The following SLIT2 variants were observed in gnomAD, a reference collection of about 807,000 sequenced individuals.
SLIT2 encodes the protein slit homolog 2 protein.
In SLIT2, 41 loss-of-function variants were observed where a neutral mutation model predicts 185.7. The observed-to-expected ratio is 0.22, with a 90% CI of 0.17 to 0.29. The LOEUF is 0.29. SLIT2 is among the 10% of genes least tolerant of loss of function. The pLI is 1.00. For missense variants in SLIT2, 1,571 were observed against 1,909.0 expected (o/e 0.82, Z 3.30); for synonymous variants, 693 against 680.2 (o/e 1.02, Z -0.29).
chr4:20,372,062 CTT>C (rs1324115786), intron 4 of SLIT2, among the ~76,000 whole-genome samples: 2 of 152,104 alleles, frequency 1.3e-5, no homozygotes, highest in Non-Finnish European at 2.9e-5. Flanking sequence ...AGAGGGTTCT[CTT>C]GTCTTTCTTA....
intron 4 of SLIT2, among the ~76,000 whole-genome samples, chr4:20,338,068 T>C (rs1218918042): frequency 6.6e-6 from 1 of 152,198 alleles, no homozygotes; most frequent in Admixed American, 6.5e-5. Flanking sequence ...AATTATTAGG[T>C]AATTTTTCAA....
In SLIT2 at chr4:20,299,548, A is replaced by T. The variant is rs375577933; in HGVS notation, c.395+30667A>T. 3.2e-4 allele frequency among the ~76,000 whole-genome samples: 49 copies of T among 151,918 alleles called. No individual in the cohort carries two copies. The East Asian group carries it at 8.9e-3, about 28-fold the overall frequency. On this transcript the variant is annotated intron_variant, in intron 4 of 36. Coordinates refer to ENST00000504154, the MANE Select transcript of SLIT2 (RefSeq NM_004787.4). ...TCTTTTCCATATGCTGATTTTCATG[A>T]TTTCTTTTTCTATAGAGAAAAATAT...
At chr4:20,539,910 A>C (rs954018742) in intron 19 of SLIT2, among the ~76,000 whole-genome samples, 1 of 152,200 alleles carries the variant, frequency 6.6e-6, no homozygotes, top group African/African-American at 2.4e-5. Context: ...GATTTTTGCC[A>C]GTGTTCTCAC....
intron 3 of SLIT2, among the ~76,000 whole-genome samples, chr4:20,265,735 T>A (rs1200908969): frequency 6.6e-6 from 1 of 151,938 alleles, no homozygotes; most frequent in Non-Finnish European, 1.5e-5. Flanking sequence ...GCTAGCTTTT[T>A]TAAAAAATAA....
chr4:20,344,921 T>C (rs185295684), intron 4 of SLIT2, among the ~76,000 whole-genome samples: 39 of 152,318 alleles, frequency 2.6e-4, no homozygotes, highest in African/African-American at 2.6e-4. Context: ...GAGAACATGC[T>C]TAATTTTAAA....
At chr4:20,346,275 C>A (rs949334014) in intron 4 of SLIT2, among the ~76,000 whole-genome samples, 3 of 152,160 alleles carry the variant, frequency 2.0e-5, no homozygotes, top group Non-Finnish European at 4.4e-5. Flanking sequence ...AGATTACAGG[C>A]ATGAGCCATC....
In SLIT2 at chr4:20,529,860, A is replaced by G. The variant is rs116954613; in HGVS notation, c.1613+761A>G. Among the ~76,000 whole-genome samples the G allele has an allele frequency of 2.0e-3, 307 of 152,174 alleles. 11 individuals carry two copies. The East Asian group carries it at 0.052, about 26-fold the overall frequency. Reference sequence around the variant, plus strand: ...CTTAGCCATGTTTATATATAGCACCATCTGGTATTTGTCATTTACTGCTTT... The same window carrying G: ...CTTAGCCATGTTTATATATAGCACCGTCTGGTATTTGTCATTTACTGCTTT... On this transcript the variant is annotated intron_variant, in intron 16 of 36. Coordinates refer to ENST00000504154, the MANE Select transcript of SLIT2 (RefSeq NM_004787.4).
chr4:20,535,507 G>T (rs1722189386), intron 18 of SLIT2, among the ~76,000 whole-genome samples: 1 of 152,016 alleles, frequency 6.6e-6, no homozygotes. Flanking sequence ...CTTGGAGTGG[G>T]AGGAAGGCGG....
In SLIT2 at chr4:20,444,095, A is replaced by T. The variant is rs577430330; in HGVS notation, c.396-23657A>T. 4.6e-5 allele frequency among the ~76,000 whole-genome samples: 7 copies of T among 152,278 alleles called. No individual in the cohort carries two copies. In the East Asian group the frequency reaches 1.4e-3, roughly 29 times the overall value. On this transcript the variant is annotated intron_variant, in intron 4 of 36. Transcript: ENST00000504154. ...ACAAAGATTACTGTGGATATTATAG[A>T]TACTAATACAGAGGTGGAAAGAAGG...
intron 18 of SLIT2, among the ~76,000 whole-genome samples, chr4:20,534,517 C>T (rs1722098286): frequency 6.6e-6 from 1 of 152,100 alleles, no homozygotes; most frequent in South Asian, 2.1e-4. Context: ...CACACATATA[C>T]ATTGTATCTA....
chr4:20,282,968 C>A (rs1445141060), intron 4 of SLIT2, among the ~76,000 whole-genome samples: 1 of 152,144 alleles, frequency 6.6e-6, no homozygotes, highest in Non-Finnish European at 1.5e-5. Context: ...TCTTTTCAAT[C>A]CATCTTTGAA....
chr4:20,319,738 T>C (rs904151316), intron 4 of SLIT2, among the ~76,000 whole-genome samples: 4 of 151,664 alleles, frequency 2.6e-5, no homozygotes, highest in Non-Finnish European at 1.5e-5. Flanking sequence ...TATCGTTTTC[T>C]CAGGACTCTT....
chr4:20,386,261 G>T (rs552078090), intron 4 of SLIT2, among the ~76,000 whole-genome samples: 2 of 152,280 alleles, frequency 1.3e-5, no homozygotes, highest in East Asian at 3.9e-4. Context: ...CAAGAGAATT[G>T]ACAGCAGTGA....
At chr4:20,381,365 G>A (rs1446314450) in intron 4 of SLIT2, among the ~76,000 whole-genome samples, 2 of 152,064 alleles carry the variant, frequency 1.3e-5, no homozygotes, top group Non-Finnish European at 2.9e-5. Flanking sequence ...TATAAGAATA[G>A]CAGATTTCTT....
chr4:20,344,428 C>T (rs1020970545), intron 4 of SLIT2, among the ~76,000 whole-genome samples: 1 of 152,042 alleles, frequency 6.6e-6, no homozygotes. Context: ...TGATATTTCT[C>T]TCGGTCTCTC....
At chr4:20,391,499 A>G (rs1274079951) in intron 4 of SLIT2, among the ~76,000 whole-genome samples, 1 of 152,134 alleles carries the variant, frequency 6.6e-6, no homozygotes, top group African/African-American at 2.4e-5. Context: ...TCAACAGATA[A>G]TTTGCCTTTA....
rs1042731199 is a variant in SLIT2 at position 20,484,357 on chromosome 4, C to T, written c.540-1843C>T. On this transcript the variant is annotated intron_variant, in intron 6 of 36. Transcript: ENST00000504154. The surrounding 1 kb of genome is among the most constrained non-coding windows in gnomAD (Gnocchi z 4.3). ...TTTTAATGGCATTTGAAAAAGACAT[C>T]TCATTTCACCTGCACATAGGAAAAT... 6.6e-6 allele frequency among the ~76,000 whole-genome samples: 1 copy of T among 152,118 alleles called. No individual in the cohort carries two copies. The highest frequency in any genetic ancestry group is 1.5e-5 in the Non-Finnish European group (1 of 67,998).
intron 33 of SLIT2, among the ~76,000 whole-genome samples, chr4:20,602,062 T>C (rs115855656): frequency 0.015 from 2,326 of 152,290 alleles, 61 homozygotes; most frequent in African/African-American, 0.053. Flanking sequence ...ATACACTTAT[T>C]AATTCTATAG....
At chr4:20,607,387 A>G (rs1462388670) in intron 33 of SLIT2, among the ~76,000 whole-genome samples, 1 of 152,196 alleles carries the variant, frequency 6.6e-6, no homozygotes, top group Non-Finnish European at 1.5e-5. Context: ...GAGTATTGCT[A>G]AAAACAATTG....
Sources: allele counts gnomAD v4.1 joint callset (sites outside exome capture counted in the v4.1 genomes callset), GRCh38; gene constraint gnomAD v4.1.1; non-coding constraint Gnocchi (gnomAD v3.1); transcripts MANE v1.5; gene names NCBI Gene and HGNC (gene_info 2026-07-23, HGNC 2026-07-21).